The following CTNNA3 variants were observed in gnomAD, a reference collection of about 807,000 sequenced individuals.
CTNNA3 encodes the protein catenin alpha 3.
Under a neutral mutation model 95.7 loss-of-function variants are expected in CTNNA3, and 76 were observed. The observed-to-expected ratio is 0.79, with a 90% CI of 0.66 to 0.96. The LOEUF (loss-of-function observed/expected upper bound fraction) is 0.96. Among genes scored for constraint, CTNNA3 ranks in the 40% least tolerant of loss-of-function variants. The pLI, the probability that CTNNA3 is intolerant of heterozygous loss-of-function variation, is 0.00. For synonymous variants in CTNNA3, 431 were observed against 374.4 expected (o/e 1.15, Z -1.74); for missense variants, 1,191 against 1,089.8 (o/e 1.09, Z -1.31).
chr10:66,206,963 G>A (rs2131936762), intron 13 of CTNNA3, among the ~76,000 whole-genome samples: 1 of 152,012 alleles, frequency 6.6e-6, no homozygotes, highest in East Asian at 1.9e-4. Flanking sequence ...TACCTTGGTA[G>A]TGTCTAATGC....
intron 15 of CTNNA3, among the ~76,000 whole-genome samples, chr10:66,039,794 C>G (rs2079645526): frequency 1.3e-5 from 2 of 152,144 alleles, no homozygotes; most frequent in African/African-American, 4.8e-5. Context: ...AAAACCTAGG[C>G]AATACCATTT....
At chr10:66,532,481 A>G (rs901938630) in intron 10 of CTNNA3, among the ~76,000 whole-genome samples, 8 of 145,826 alleles carry the variant, frequency 5.5e-5, no homozygotes, top group Non-Finnish European at 1.2e-4. Context: ...AAAAAAAAAA[A>G]GGCATGTATT....
chr10:66,845,191 A>C (rs1363960966), intron 7 of CTNNA3, among the ~76,000 whole-genome samples: 1 of 152,218 alleles, frequency 6.6e-6, no homozygotes, highest in Admixed American at 6.5e-5. Flanking sequence ...GAAGAAAGAA[A>C]GAACAAAGGT....
Position 67,219,747 on chromosome 10 carries a change from TG to T in CTNNA3, c.702del (p.Ala236GlnfsTer16). On this transcript the variant is annotated frameshift_variant, in exon 6 of 18. Transcript: ENST00000433211. LOFTEE classifies it high-confidence loss of function. The part of the protein sequence containing the change: ...ACLEHSDVAS[L>X]KASKDTVCEE... Reference sequence around the variant, plus strand: ...TCACAAACTGTGTCCTTGCTTGCTTTGAGGGAAGCAACATCAGAATGCTCCA... The same window carrying T: ...TCACAAACTGTGTCCTTGCTTGCTTTAGGGAAGCAACATCAGAATGCTCCA... The T allele has an allele frequency of 6.2e-7, 1 of 1,614,084 alleles. No homozygotes were observed. Among genetic ancestry groups the T allele is most frequent in the Non-Finnish European group, 8.5e-7 (1 of 1,180,008 alleles).
chr10:67,017,754 C>T (rs12217378), intron 7 of CTNNA3, among the ~76,000 whole-genome samples: 6,717 of 140,924 alleles, frequency 0.048, 171 homozygotes, highest in East Asian at 0.13. Flanking sequence ...TGTGTGTGTG[C>T]GCGCGTACAA....
At chr10:66,760,526 C>T (rs143243431) in intron 9 of CTNNA3, among the ~76,000 whole-genome samples, 1 of 152,212 alleles carries the variant, frequency 6.6e-6, no homozygotes, top group African/African-American at 2.4e-5. Flanking sequence ...TTACTTCTTG[C>T]CAAATTCCCA....
At chr10:66,980,027 G>A (rs1850319256) in intron 7 of CTNNA3, among the ~76,000 whole-genome samples, 1 of 152,130 alleles carries the variant, frequency 6.6e-6, no homozygotes, top group Non-Finnish European at 1.5e-5. Flanking sequence ...CATTGGCACT[G>A]GAGACACTTT....
chr10:67,249,441 T>C (rs1370426309), intron 5 of CTNNA3, among the ~76,000 whole-genome samples: 2 of 152,208 alleles, frequency 1.3e-5, no homozygotes, highest in African/African-American at 4.8e-5. Context: ...AAATCATCTC[T>C]AGATTATAGT....
intron 7 of CTNNA3, among the ~76,000 whole-genome samples, chr10:66,818,013 A>G (rs538380401): frequency 2.8e-4 from 42 of 152,106 alleles, no homozygotes; most frequent in African/African-American, 9.6e-4. Flanking sequence ...CCCATAAACT[A>G]TATGAATAGA....
intron 3 of CTNNA3, among the ~76,000 whole-genome samples, chr10:67,542,577 T>A (rs1191088890): frequency 1.3e-5 from 2 of 152,070 alleles, no homozygotes; most frequent in East Asian, 3.9e-4. Flanking sequence ...GTATCCAGGA[T>A]ATAGATATCA....
chr10:66,110,864 C>T (rs1030889105), intron 13 of CTNNA3, among the ~76,000 whole-genome samples: 4 of 152,162 alleles, frequency 2.6e-5, no homozygotes, highest in African/African-American at 9.7e-5. Context: ...GTATAACCTA[C>T]TACACACCTA....
rs1436732541 is a variant in CTNNA3, at chr10:66,349,243, C to T, written c.1732+29909G>A. ...GCAGATACAAAGAAGAAACTGAAGC[C>T]CTCACTCCTACAACCACAGGGAACT... On this transcript the variant is annotated intron_variant, in intron 12 of 17. Coordinates refer to ENST00000433211, the MANE Select transcript of CTNNA3 (RefSeq NM_013266.4). Among the ~76,000 whole-genome samples, 3 of 152,062 alleles carry T rather than the reference C, an allele frequency of 2.0e-5. No homozygotes were observed. The East Asian group carries it at 5.8e-4, about 29-fold the overall frequency.
chr10:67,266,908 C>G (rs1426669899), intron 5 of CTNNA3, among the ~76,000 whole-genome samples: 2 of 152,156 alleles, frequency 1.3e-5, no homozygotes, highest in Admixed American at 6.5e-5. Context: ...TCCAAAACAT[C>G]AAATTCTATG....
At chr10:66,299,788 C>T (rs1247442730) in intron 12 of CTNNA3, among the ~76,000 whole-genome samples, 1 of 152,086 alleles carries the variant, frequency 6.6e-6, no homozygotes, top group African/African-American at 2.4e-5. Context: ...TGAATATATG[C>T]TTACTAAAAG....
intron 13 of CTNNA3, among the ~76,000 whole-genome samples, chr10:66,122,998 C>G (rs1216887555): frequency 6.6e-6 from 1 of 152,056 alleles, no homozygotes; most frequent in South Asian, 2.1e-4. Context: ...CCATATAATT[C>G]CACCCCAGCC....
In CTNNA3 at chr10:66,015,113, A is replaced by ATAATAATAATAC. The variant is rs1361664800; in HGVS notation, c.2160-26317_2160-26316insGTATTATTATTA. ...CGAGACTCTGTCTCAAAAAATAATA[A>ATAATAATAATAC]TAATAATAATAAAATAAAATAAAAT... On this transcript the variant is annotated intron_variant, in intron 15 of 17. Coordinates refer to ENST00000433211, the MANE Select transcript of CTNNA3 (RefSeq NM_013266.4). Among the ~76,000 whole-genome samples the ATAATAATAATAC allele has an allele frequency of 2.0e-5, 3 of 151,436 alleles. No individual in the cohort carries two copies. The East Asian group carries it at 5.8e-4, about 29-fold the overall frequency.
intron 5 of CTNNA3, among the ~76,000 whole-genome samples, chr10:67,234,240 T>G (rs1212115622): frequency 6.6e-6 from 1 of 152,336 alleles, no homozygotes; most frequent in East Asian, 1.9e-4. Context: ...ATATCCTTGA[T>G]GAACATTGAT....
At chr10:67,590,844 G>T (rs1842769325) in intron 3 of CTNNA3, among the ~76,000 whole-genome samples, 1 of 151,842 alleles carries the variant, frequency 6.6e-6, no homozygotes, top group Non-Finnish European at 1.5e-5. Flanking sequence ...AAAATTTTTT[G>T]ACAGAACAAA....
chr10:67,258,015 C>T (rs1217391939), intron 5 of CTNNA3, among the ~76,000 whole-genome samples: 1 of 152,186 alleles, frequency 6.6e-6, no homozygotes, highest in African/African-American at 2.4e-5. Context: ...ATGTGTGTGT[C>T]AGACAATCTG....
Sources: gnomAD v4.1 joint callset for allele counts (sites outside exome capture counted in the v4.1 genomes callset) on GRCh38, gnomAD v4.1.1 for gene constraint, MANE v1.5 for transcripts, NCBI Gene and HGNC (gene_info 2026-07-23, HGNC 2026-07-21) for gene names.